SETBP1: variants seen among roughly 807,000 people sequenced by gnomAD.
The protein encoded by SETBP1 is SET-binding protein.
A neutral mutation model predicts 101.0 loss-of-function variants in SETBP1; 9 were observed. The observed-to-expected ratio is 0.09, with a 90% CI of 0.05 to 0.16. The LOEUF is 0.16. Ranked by LOEUF, SETBP1 falls within the 10% of genes least tolerant of loss-of-function variation. SETBP1 has a pLI of 1.00. For synonymous variants in SETBP1, 818 were observed against 788.5 expected, an observed-to-expected ratio of 1.04 and a Z score of -0.63; for missense variants, 1,858 against 2,033.8, an observed-to-expected ratio of 0.91 and a Z score of 1.66.
chr18:45,012,154 A>G (rs532885993), intron 4 of SETBP1, among the ~76,000 whole-genome samples: 1 of 152,308 alleles, frequency 6.6e-6, no homozygotes, highest in Non-Finnish European at 1.5e-5. Context: ...CTATGGAATG[A>G]CCGTCATGAA....
At chr18:44,776,319 G>C (rs1385202106) in intron 2 of SETBP1, among the ~76,000 whole-genome samples, 1 of 151,946 alleles carries the variant, frequency 6.6e-6, no homozygotes, top group Non-Finnish European at 1.5e-5. Context: ...CCCTCTTTTC[G>C]CTCCATAGCA....
At chr18:44,741,918 T>A (rs1338166851) in intron 2 of SETBP1, among the ~76,000 whole-genome samples, 1 of 152,220 alleles carries the variant, frequency 6.6e-6, no homozygotes, top group Non-Finnish European at 1.5e-5. Context: ...CTATTCTGTC[T>A]GCTGCTACTC....
intron 2 of SETBP1, among the ~76,000 whole-genome samples, chr18:44,759,938 A>G (rs1001097608): frequency 1.3e-5 from 2 of 152,170 alleles, no homozygotes; most frequent in African/African-American, 2.4e-5. Context: ...ATTTTTAGGT[A>G]TTTCTTTCAA....
At chr18:44,743,752 G>A (rs1006751352) in intron 2 of SETBP1, among the ~76,000 whole-genome samples, 4 of 151,988 alleles carry the variant, frequency 2.6e-5, no homozygotes, top group Admixed American at 1.3e-4. Context: ...CTTTTGTTTC[G>A]ATTTTATTCT....
intron 2 of SETBP1, among the ~76,000 whole-genome samples, chr18:44,780,009 G>A (rs1365310958): frequency 2.0e-5 from 3 of 151,802 alleles, no homozygotes; most frequent in East Asian, 1.9e-4. Flanking sequence ...GCACTTTCCC[G>A]CCAACACTTT....
chr18:45,008,235 G>A (rs992608181), intron 4 of SETBP1, among the ~76,000 whole-genome samples: 5 of 152,120 alleles, frequency 3.3e-5, no homozygotes, highest in Admixed American at 2.0e-4. Context: ...AATCTCATGG[G>A]AATTGAGTAT....
chr18:44,876,151 C>T (rs2069397934), intron 3 of SETBP1, among the ~76,000 whole-genome samples: 1 of 152,186 alleles, frequency 6.6e-6, no homozygotes. Flanking sequence ...AAGGGAGAAT[C>T]ATAGTGGTGT....
chr18:44,968,309 G>A (rs2071765285), intron 4 of SETBP1, among the ~76,000 whole-genome samples: 1 of 152,130 alleles, frequency 6.6e-6, no homozygotes, highest in South Asian at 2.1e-4. Flanking sequence ...AAAAGATAGG[G>A]CTCCTGTACT....
In SETBP1 at chr18:44,713,209, G is replaced by A. The variant is rs2069384500; in HGVS notation, c.486+11377G>A. The stretch of plus-strand genomic sequence containing the variant: ...TCTGACCTCGTGATCCTCCCACCTC[G>A]GCCTCCCAAAGTGCTGGGATTACAT... On this transcript the variant is annotated intron_variant, in intron 2 of 5. Transcript: ENST00000649279. Among the ~76,000 whole-genome samples, 3 of 151,706 alleles carry A rather than the reference G, an allele frequency of 2.0e-5. 1 individual carries two copies. Among genetic ancestry groups the A allele is most frequent in the Non-Finnish European group, 4.4e-5 (3 of 67,954 alleles).
At chr18:44,961,312 T>G (rs1053368173) in intron 4 of SETBP1, among the ~76,000 whole-genome samples, 3 of 152,132 alleles carry the variant, frequency 2.0e-5, no homozygotes, top group African/African-American at 7.2e-5. Flanking sequence ...CAAATGAAAA[T>G]ATGCATGAAC....
chr18:44,998,129 G>T (rs2072538082), intron 4 of SETBP1, among the ~76,000 whole-genome samples: 1 of 152,326 alleles, frequency 6.6e-6, no homozygotes, highest in East Asian at 1.9e-4. Flanking sequence ...CTTTTAATAA[G>T]CCAGGCCAGT....
intron 2 of SETBP1, among the ~76,000 whole-genome samples, chr18:44,731,830 G>A (rs1221007982): frequency 6.6e-6 from 1 of 152,140 alleles, no homozygotes; most frequent in Admixed American, 6.5e-5. Context: ...CCTGGTCCAC[G>A]TGAAGACAGT....
At position 45,063,435 on chromosome 18, in the gene SETBP1, G is replaced by C; in HGVS notation, c.4528G>C (p.Glu1510Gln). The C allele has an allele frequency of 3.3e-6, 5 of 1,502,488 alleles. No individual in the cohort carries two copies. The highest frequency in any genetic ancestry group is 4.4e-6 in the Non-Finnish European group (5 of 1,125,896). The allele number at this position is 1,502,488 out of a possible 1,614,324, so 93.1% of individuals were successfully genotyped here. ...CCAAGACACCATCATGGCCACCATC[G>C]AGGCGGTCATCCACATGGCCCGGGA... ...ASQDTIMATI[E>Q]AVIHMAREAP... The change falls in exon 6 of 6, where the codon GAG becomes CAG. Residue 1510 changes from glutamate to glutamine, a missense_variant. Around this residue, in one of 12 missense-constraint regions of SETBP1, gnomAD observed 178 missense variants for 189.1 expected, o/e 0.94. Coordinates refer to ENST00000649279, the MANE Select transcript of SETBP1 (RefSeq NM_015559.3).
Position 44,985,002 on chromosome 18 carries a change from G to A in SETBP1, c.4000+31662G>A, listed in dbSNP as rs1460194592. 6.6e-5 allele frequency among the ~76,000 whole-genome samples: 10 copies of A among 152,116 alleles called. 1 individual carries two copies. Among genetic ancestry groups the A allele is most frequent in the Admixed American group, 3.9e-4 (6 of 15,282 alleles). ...CTAAAAATACAAAAACTAGCCAGTC[G>A]TGGTGGCGTGCGCCTATAATCCCAG... On this transcript the variant is annotated intron_variant, in intron 4 of 5. Transcript: ENST00000649279.
chr18:44,887,871 T>C (rs1161293664), intron 3 of SETBP1, among the ~76,000 whole-genome samples: 3 of 152,060 alleles, frequency 2.0e-5, no homozygotes, highest in African/African-American at 7.2e-5. Flanking sequence ...ACAAAGATCA[T>C]GTCAAGGAGC....
chr18:44,731,035 T>C (rs117080450), intron 2 of SETBP1, among the ~76,000 whole-genome samples: 1,543 of 152,288 alleles, frequency 0.01, 15 homozygotes, highest in South Asian at 0.017. Context: ...CTCTTCTCCA[T>C]GTCTTGTCTG....
chr18:44,990,796 C>G (rs1469528068), intron 4 of SETBP1, among the ~76,000 whole-genome samples: 1 of 151,558 alleles, frequency 6.6e-6, no homozygotes, highest in Non-Finnish European at 1.5e-5. Context: ...CAAAAGTTGC[C>G]TTATTGTTTT....
intron 3 of SETBP1, chr18:44,877,152 A>T: frequency 6.1e-6 from 6 of 984,104 alleles, no homozygotes; most frequent in Non-Finnish European, 7.3e-6. Context: ...GCTCCAAGCC[A>T]CAGCTGGCCT....
intron 2 of SETBP1, among the ~76,000 whole-genome samples, chr18:44,857,053 C>T (rs1170281743): frequency 6.6e-6 from 1 of 152,156 alleles, no homozygotes; most frequent in Non-Finnish European, 1.5e-5. Flanking sequence ...GAAGCACAAA[C>T]AGAAATCCTG....
Sources: allele counts gnomAD v4.1 joint callset (sites outside exome capture counted in the v4.1 genomes callset), GRCh38; gene constraint gnomAD v4.1.1; regional missense constraint gnomAD v4.1.1; transcripts MANE v1.5; gene names NCBI Gene and HGNC (gene_info 2026-07-23, HGNC 2026-07-21).